Variants in SMC5 observed in about 807,000 individuals in gnomAD.
The protein encoded by SMC5 is structural maintenance of chromosomes 5.
Under a neutral mutation model 148.3 loss-of-function variants are expected in SMC5, and 88 were observed. The ratio of observed to expected loss-of-function variants is 0.59; its 90% CI spans 0.50 to 0.71. SMC5 has a LOEUF of 0.71. Ranked by LOEUF, SMC5 falls within the 30% of genes least tolerant of loss-of-function variation. The probability of loss-of-function intolerance (pLI) is 0.00; values close to 1 mark genes in which losing one functional copy is unlikely to be tolerated. For missense variants in SMC5, 1,142 were observed against 1,298.9 expected (o/e 0.88, Z 1.86); for synonymous variants, 421 against 432.8 (o/e 0.97, Z 0.34).
intron 2 of SMC5, 77 bp from the exon 3 acceptor site, chr9:70,267,846 A>G (rs2034333701): frequency 1.5e-6 from 2 of 1,315,322 alleles, no homozygotes; most frequent in South Asian, 2.7e-5. Context: ...TTTGACAAAT[A>G]ATAATGACTG....
intron 8 of SMC5, among the ~76,000 whole-genome samples, chr9:70,295,224 G>A (rs919451714): frequency 2.0e-5 from 3 of 151,838 alleles, no homozygotes; most frequent in Non-Finnish European, 4.4e-5. Flanking sequence ...CCAGCACTTC[G>A]GGAGGCCAAG....
In SMC5 at chr9:70,315,447, C is replaced by A. The variant is rs765915222; in HGVS notation, c.1675C>A (p.Gln559Lys). 7 of 1,564,744 alleles carry A rather than the reference C, an allele frequency of 4.5e-6. No homozygotes were observed. In the Admixed American group the frequency reaches 5.3e-5, roughly 12 times the overall value. The change falls in exon 13 of 25, where the codon CAA (glutamine) becomes AAA (lysine). Residue 559 changes from glutamine to lysine, a missense_variant and splice_region_variant. Gln to Lys is a moderately conservative substitution (Grantham distance 53). Coordinates refer to ENST00000361138, the MANE Select transcript of SMC5 (RefSeq NM_015110.4). ...APSRSLNELK[Q>K]YGFFSYLREL... ...TCTAATCAATACTTTTCCTTTCAGA[C>A]AATACGGATTTTTCTCTTATTTGAG...
intron 3 of SMC5, among the ~76,000 whole-genome samples, chr9:70,272,544 C>T (rs1243243379): frequency 2.6e-5 from 4 of 152,016 alleles, no homozygotes; most frequent in African/African-American, 9.7e-5. Flanking sequence ...GAGACTCCAT[C>T]TCCACACACA....
At chr9:70,317,858 G>C (rs1041089069) in intron 13 of SMC5, among the ~76,000 whole-genome samples, 1 of 152,012 alleles carries the variant, frequency 6.6e-6, no homozygotes, top group Non-Finnish European at 1.5e-5. Context: ...AAATATACAG[G>C]AACTAAATAT....
chr9:70,348,303 A>G (rs2118841956), intron 22 of SMC5, among the ~76,000 whole-genome samples: 1 of 152,190 alleles, frequency 6.6e-6, no homozygotes, highest in East Asian at 1.9e-4. Flanking sequence ...TTGAATAAAT[A>G]CGTTATAAAG....
chr9:70,344,321 G>T, intron 18 of SMC5, 52 bp downstream of exon 18: 1 of 1,325,226 alleles, frequency 7.5e-7, no homozygotes, highest in South Asian at 2.4e-5. Context: ...ACATTTTTAA[G>T]ATTATGGAAT....
chr9:70,287,930 C>T (rs1444683113), intron 8 of SMC5, among the ~76,000 whole-genome samples: 1 of 152,104 alleles, frequency 6.6e-6, no homozygotes, highest in Non-Finnish European at 1.5e-5. Context: ...TAATATACTG[C>T]TAAATTTGTT....
At chr9:70,275,106 G>A (rs975603015) in intron 3 of SMC5, among the ~76,000 whole-genome samples, 8 of 152,028 alleles carry the variant, frequency 5.3e-5, no homozygotes, top group Non-Finnish European at 1.0e-4. Context: ...ATCTGAAAAC[G>A]ATATTATTTA....
intron 3 of SMC5, among the ~76,000 whole-genome samples, chr9:70,270,477 G>C (rs2034417132): frequency 6.6e-6 from 1 of 151,932 alleles, no homozygotes; most frequent in African/African-American, 2.4e-5. Flanking sequence ...AGGTTGGTGG[G>C]GCTGAAGGTT....
intron 3 of SMC5, among the ~76,000 whole-genome samples, chr9:70,271,043 GCATTATACTTATCGGTT>G (rs1489328699): frequency 3.3e-5 from 5 of 150,538 alleles, no homozygotes; most frequent in African/African-American, 4.9e-5. Context: ...TAGAATATTT[GCATTATACTTATCGGTT>G]CAACATCCCC....
rs2036684195 is a variant in SMC5 at position 70,347,086 on chromosome 9, C to A, written c.2589C>A (p.Asn863Lys). The change falls in exon 20 of 25, where the codon AAC becomes AAA. Residue 863 changes from asparagine (N) to lysine (K), a missense_variant. By Grantham distance (94) the Asn-to-Lys change is moderately conservative (BLOSUM62 0). Coordinates refer to ENST00000361138, the MANE Select transcript of SMC5 (RefSeq NM_015110.4). ...CTTAGGTTTTCCAAGACCTTCCAAACACATTGGATGAAATTGATGCTTTAT... is the reference window on the plus strand; with the variant it reads ...CTTAGGTTTTCCAAGACCTTCCAAAAACATTGGATGAAATTGATGCTTTAT... ...SLPMVFQDLP[N>K]TLDEIDALLT... 1 of 1,613,742 alleles carries A rather than the reference C, an allele frequency of 6.2e-7. No individual in the cohort carries two copies. The highest frequency in any genetic ancestry group is 1.1e-5 in the South Asian group (1 of 91,054).
intron 15 of SMC5, among the ~76,000 whole-genome samples, chr9:70,320,326 A>G (rs2035911332): frequency 6.6e-6 from 1 of 152,212 alleles, no homozygotes; most frequent in Non-Finnish European, 1.5e-5. Context: ...TGTGAGGCCA[A>G]GGCGGAAGGA....
At chr9:70,337,738 G>A (rs2036400693) in intron 17 of SMC5, among the ~76,000 whole-genome samples, 1 of 152,026 alleles carries the variant, frequency 6.6e-6, no homozygotes, top group Non-Finnish European at 1.5e-5. Context: ...TTACAGGTGT[G>A]AGCCACTACA....
intron 8 of SMC5, among the ~76,000 whole-genome samples, chr9:70,296,064 A>G (rs926543730): frequency 6.6e-6 from 1 of 152,146 alleles, no homozygotes; most frequent in Non-Finnish European, 1.5e-5. Flanking sequence ...GGATTTGGGG[A>G]TATGTGCATT....
chr9:70,259,320 G>A, intron 1 of SMC5, 57 bp downstream of exon 1: 1 of 1,488,060 alleles, frequency 6.7e-7, no homozygotes, highest in Non-Finnish European at 9.0e-7. Flanking sequence ...AGCAGGCCCC[G>A]GGGCTCCGGC....
At chr9:70,344,072 G>T in intron 17 of SMC5, 72 bp from the exon 18 acceptor site, 1 of 849,044 alleles carries the variant, frequency 1.2e-6, no homozygotes. Flanking sequence ...TATTTAATAT[G>T]TGGTAGTTTA....
intron 3 of SMC5, among the ~76,000 whole-genome samples, chr9:70,269,774 T>A (rs1269809185): frequency 6.6e-6 from 1 of 152,160 alleles, no homozygotes; most frequent in East Asian, 1.9e-4. Context: ...TACCACATGT[T>A]GAAGTATACT....
intron 8 of SMC5, among the ~76,000 whole-genome samples, chr9:70,291,361 T>C (rs2035056434): frequency 6.6e-6 from 1 of 152,194 alleles, no homozygotes; most frequent in Non-Finnish European, 1.5e-5. Flanking sequence ...TAAATGCTCC[T>C]AAGATTGTTG....
intron 3 of SMC5, among the ~76,000 whole-genome samples, chr9:70,270,562 A>G (rs1179531337): frequency 1.3e-5 from 2 of 152,034 alleles, no homozygotes; most frequent in African/African-American, 4.8e-5. Context: ...TTGCCTCATT[A>G]GAAAAAGACA....
Sources: allele counts gnomAD v4.1 joint callset (sites outside exome capture counted in the v4.1 genomes callset), GRCh38; gene constraint gnomAD v4.1.1; transcripts MANE v1.5; gene names NCBI Gene and HGNC (gene_info 2026-07-23, HGNC 2026-07-21).